The following PCDH15 variants were observed in gnomAD, a reference collection of about 807,000 sequenced individuals.
The protein encoded by PCDH15 is protocadherin-15.
A neutral mutation model predicts 178.5 loss-of-function variants in PCDH15; 129 were observed. The observed-to-expected ratio is 0.72, with a 90% CI of 0.63 to 0.84. PCDH15 has a LOEUF of 0.84. Among genes scored for constraint, PCDH15 ranks in the 40% least tolerant of loss-of-function variants. The probability of loss-of-function intolerance (pLI) is 0.00; values close to 1 mark genes in which losing one functional copy is unlikely to be tolerated. For missense variants in PCDH15, 2,230 were observed against 2,099.9 expected, an observed-to-expected ratio of 1.06 and a Z score of -1.21; for synonymous variants, 800 against 732.0, an observed-to-expected ratio of 1.09 and a Z score of -1.50.
At chr10:55,412,616 G>C (rs927975631) in intron 2 of PCDH15, among the ~76,000 whole-genome samples, 1 of 151,900 alleles carries the variant, frequency 6.6e-6, no homozygotes, top group Non-Finnish European at 1.5e-5. Flanking sequence ...GTATAAGGTA[G>C]AGGGATTAAT....
At chr10:54,459,386 T>G (rs2077030552) in intron 3 of PCDH15, among the ~76,000 whole-genome samples, 1 of 152,036 alleles carries the variant, frequency 6.6e-6, no homozygotes. Flanking sequence ...AAAAGAATTA[T>G]GTCATAGGAA....
intron 26 of PCDH15, among the ~76,000 whole-genome samples, chr10:53,899,292 T>C (rs576518616): frequency 6.6e-6 from 1 of 152,184 alleles, no homozygotes; most frequent in South Asian, 2.1e-4. Context: ...TTTAAGTATA[T>C]TAGGTATACC....
chr10:53,954,704 T>C (rs1380113077), intron 23 of PCDH15, among the ~76,000 whole-genome samples: 1 of 152,224 alleles, frequency 6.6e-6, no homozygotes, highest in Non-Finnish European at 1.5e-5. Flanking sequence ...GAATATGTAA[T>C]GTTAATACTC....
chr10:53,943,295 C>A (rs1228141395), intron 23 of PCDH15, among the ~76,000 whole-genome samples: 3 of 151,776 alleles, frequency 2.0e-5, no homozygotes, highest in Non-Finnish European at 2.9e-5. Context: ...TCAAGACCAG[C>A]CTCACCAATA....
intron 18 of PCDH15, among the ~76,000 whole-genome samples, chr10:54,046,687 C>A (rs567734406): frequency 8.5e-4 from 129 of 152,160 alleles, no homozygotes; most frequent in African/African-American, 2.8e-3. Flanking sequence ...TGAGAAGGAG[C>A]ATGAAGAAAG....
At chr10:54,176,540 T>C (rs761417356) in intron 13 of PCDH15, among the ~76,000 whole-genome samples, 5 of 152,102 alleles carry the variant, frequency 3.3e-5, no homozygotes, top group African/African-American at 4.8e-5. Context: ...ACCCTATATA[T>C]TATTCTCGGA....
intron 3 of PCDH15, among the ~76,000 whole-genome samples, chr10:54,400,384 T>G (rs1951783851): frequency 6.6e-6 from 1 of 152,192 alleles, no homozygotes; most frequent in South Asian, 2.1e-4. Flanking sequence ...CGGATAAAGC[T>G]ACTTCTACTA....
intron 2 of PCDH15, among the ~76,000 whole-genome samples, chr10:54,953,623 A>G (rs1591803720): frequency 6.7e-6 from 1 of 148,992 alleles, no homozygotes; most frequent in Admixed American, 6.6e-5. Context: ...GATATATATC[A>G]AGTCACTTCT....
At chr10:55,193,740 T>A (rs1420700573) in intron 1 of PCDH15, among the ~76,000 whole-genome samples, 4 of 151,940 alleles carry the variant, frequency 2.6e-5, no homozygotes, top group African/African-American at 9.7e-5. Context: ...GTCTTAAATA[T>A]TCATGATGAG....
intron 5 of PCDH15, among the ~76,000 whole-genome samples, chr10:54,355,120 C>CAAAAAAAAAAAAA (rs770404490): frequency 5.7e-5 from 4 of 69,838 alleles, no homozygotes; most frequent in Non-Finnish European, 7.7e-5. Context: ...AGGAGGATTG[C>CAAAAAAAAAAAAA]AAAAAAAAAA....
chr10:54,746,930 G>T (rs1023670631), intron 1 of PCDH15, among the ~76,000 whole-genome samples: 1 of 152,080 alleles, frequency 6.6e-6, no homozygotes, highest in Non-Finnish European at 1.5e-5. Flanking sequence ...ACTTTACATT[G>T]GGTTTATCAG....
At chr10:54,849,552 T>C (rs888376068) in intron 3 of PCDH15, among the ~76,000 whole-genome samples, 1 of 152,170 alleles carries the variant, frequency 6.6e-6, no homozygotes, top group Non-Finnish European at 1.5e-5. Flanking sequence ...CTATTTCCGC[T>C]GGGGCTTTTG....
At chr10:54,243,083 T>C (rs887886682) in intron 8 of PCDH15, among the ~76,000 whole-genome samples, 6 of 152,178 alleles carry the variant, frequency 3.9e-5, no homozygotes, top group Non-Finnish European at 8.8e-5. Flanking sequence ...AATACCTAAG[T>C]TATTGAATTT....
chr10:54,272,226 G>A (rs1393242850), intron 8 of PCDH15, among the ~76,000 whole-genome samples: 6 of 151,438 alleles, frequency 4.0e-5, no homozygotes, highest in African/African-American at 7.3e-5. Flanking sequence ...AAGAGGTACC[G>A]AGGATATTAA....
At chr10:55,051,999 G>T (rs538465695) in intron 2 of PCDH15, among the ~76,000 whole-genome samples, 1 of 151,788 alleles carries the variant, frequency 6.6e-6, no homozygotes, top group East Asian at 1.9e-4. Context: ...TAAATGTGAG[G>T]ATACTGTAAA....
chr10:54,965,608 CATATATATATAT>C lies in PCDH15; in HGVS notation c.-79-68120_-79-68109del, dbSNP rs71461263. Reference sequence around the variant, plus strand: ...AGTATGGTTTTGTGAAACTTTGCTTCATATATATATATATATATATATATATATATGTTGGGT... The same window carrying C: ...AGTATGGTTTTGTGAAACTTTGCTTCATATATATATATATATATGTTGGGT... On this transcript the variant is annotated intron_variant, in intron 2 of 5. Transcript: ENST00000458638. Among the ~76,000 whole-genome samples, 208 of 141,430 alleles carry C rather than the reference CATATATATATAT, an allele frequency of 1.5e-3. 2 individuals carry two copies. The highest frequency in any genetic ancestry group is 5.2e-3 in the African/African-American group (197 of 38,152). 92.8% of individuals were successfully genotyped at this position (141,430 alleles called of 152,430 possible). A position where few individuals can be genotyped will look rare whatever the true frequency, so the allele number is the denominator to read the frequency against.
chr10:55,271,453 A>C (rs548472583), intron 1 of PCDH15, among the ~76,000 whole-genome samples: 1 of 152,210 alleles, frequency 6.6e-6, no homozygotes, highest in East Asian at 1.9e-4. Context: ...TAAATTGAAA[A>C]GAGAAAGGGC....
At chr10:55,427,455 G>C (rs1838784237) in intron 2 of PCDH15, among the ~76,000 whole-genome samples, 1 of 152,152 alleles carries the variant, frequency 6.6e-6, no homozygotes, top group South Asian at 2.1e-4. Flanking sequence ...TCAGGCATGA[G>C]GATTCCCTCC....
chr10:55,462,909 A>G (rs572080272), intron 2 of PCDH15, among the ~76,000 whole-genome samples: 1 of 152,222 alleles, frequency 6.6e-6, no homozygotes, highest in East Asian at 1.9e-4. Context: ...TTTTTAATAA[A>G]GAAGAATTTT....
Sources: allele counts gnomAD v4.1 joint callset (sites outside exome capture counted in the v4.1 genomes callset), GRCh38; gene constraint gnomAD v4.1.1; transcripts MANE v1.5; gene names NCBI Gene and HGNC (gene_info 2026-07-23, HGNC 2026-07-21).